Variants in CAMK2B observed in about 807,000 individuals in gnomAD.
CAMK2B encodes calcium/calmodulin dependent protein kinase II beta.
Under a neutral mutation model 93.7 loss-of-function variants are expected in CAMK2B, and 27 were observed. The ratio of observed to expected loss-of-function variants is 0.29; its 90% CI spans 0.21 to 0.40. The LOEUF (loss-of-function observed/expected upper bound fraction) is 0.40, where lower values mean the gene tolerates loss of function less well. Ranked by LOEUF, CAMK2B falls within the 10% of genes least tolerant of loss-of-function variation. The probability of loss-of-function intolerance (pLI) is 1.00; values close to 1 mark genes in which losing one functional copy is unlikely to be tolerated. For synonymous variants in CAMK2B, 374 were observed against 358.8 expected, an observed-to-expected ratio of 1.04 and a Z score of -0.48; for missense variants, 568 against 895.8, an observed-to-expected ratio of 0.63 and a Z score of 4.67.
At chr7:44,306,560 A>C (rs936594414) in intron 1 of CAMK2B, among the ~76,000 whole-genome samples, 6 of 152,166 alleles carry the variant, frequency 3.9e-5, no homozygotes, top group Non-Finnish European at 5.9e-5. Flanking sequence ...CCAACAGACT[A>C]GGGGAGGCCT....
At chr7:44,276,168 G>A (rs2097035931) in intron 2 of CAMK2B, among the ~76,000 whole-genome samples, 2 of 151,260 alleles carry the variant, frequency 1.3e-5, no homozygotes, top group South Asian at 4.2e-4. Context: ...GGGCCCCTGA[G>A]CCGGGGAGGA....
At chr7:44,323,514 C>T (rs1167505195) in intron 1 of CAMK2B, among the ~76,000 whole-genome samples, 5 of 152,212 alleles carry the variant, frequency 3.3e-5, no homozygotes, top group African/African-American at 9.6e-5. Context: ...CATCCAGCTG[C>T]GCTGGAATCG....
intron 8 of CAMK2B, 36 bp downstream of exon 8, chr7:44,243,214 A>G: frequency 1.3e-6 from 2 of 1,522,144 alleles, no homozygotes; most frequent in Non-Finnish European, 1.8e-6. Flanking sequence ...GAAACACCCG[A>G]GGCCCTGCCC....
intron 20 of CAMK2B, among the ~76,000 whole-genome samples, chr7:44,223,194 G>C (rs1474354091): frequency 6.6e-6 from 1 of 152,224 alleles, no homozygotes; most frequent in Non-Finnish European, 1.5e-5. Context: ...GTGTGTGCCT[G>C]TGTTGTGTGG....
chr7:44,276,469 G>A (rs1027925742), intron 2 of CAMK2B, among the ~76,000 whole-genome samples: 1 of 152,188 alleles, frequency 6.6e-6, no homozygotes, highest in Non-Finnish European at 1.5e-5. Flanking sequence ...AGGCAGGCAG[G>A]CTTCTGGCTG....
At chr7:44,226,934 G>A (rs1431875254) in intron 19 of CAMK2B, among the ~76,000 whole-genome samples, 1 of 24,780 alleles carries the variant, frequency 4.0e-5, no homozygotes, top group African/African-American at 2.2e-4. Flanking sequence ...AGACAGAAGG[G>A]AACGTGGGGG....
At position 44,319,105 on chromosome 7, in the gene CAMK2B, C is replaced by T. The variant is rs373557861; in HGVS notation, c.65+6252G>A. On this transcript the variant is annotated intron_variant, in intron 1 of 23. Coordinates refer to ENST00000395749, the MANE Select transcript of CAMK2B (RefSeq NM_001220.5). The stretch of plus-strand genomic sequence containing the variant: ...TACATAATGCATTTTTATGTTTCTA[C>T]ACTAACAAAGTGACTTGCAGCTGTA... Among the ~76,000 whole-genome samples, 40 of 152,308 alleles carry T rather than the reference C, an allele frequency of 2.6e-4. No individual in the cohort carries two copies. The East Asian group carries it at 5.6e-3, about 21-fold the overall frequency.
intron 3 of CAMK2B, among the ~76,000 whole-genome samples, chr7:44,259,180 C>T (rs1318313454): frequency 2.0e-5 from 3 of 152,230 alleles, no homozygotes; most frequent in Admixed American, 6.5e-5. Flanking sequence ...GCTGCCAGTG[C>T]CTCACCCTCC....
chr7:44,281,427 G>A (rs570999562), intron 2 of CAMK2B, among the ~76,000 whole-genome samples: 6 of 152,158 alleles, frequency 3.9e-5, no homozygotes, highest in South Asian at 2.1e-4. Context: ...GGGTGGTCAC[G>A]GAGAAAATCT....
chr7:44,243,162 G>A (rs374188423), intron 8 of CAMK2B, 88 bp downstream of exon 8: 16 of 981,392 alleles, frequency 1.6e-5, no homozygotes, highest in East Asian at 1.5e-4. Flanking sequence ...AGAGCAAGAC[G>A]TGCTGGCCAC....
intron 2 of CAMK2B, among the ~76,000 whole-genome samples, chr7:44,264,608 G>A (rs916019810): frequency 2.0e-5 from 3 of 152,062 alleles, no homozygotes; most frequent in African/African-American, 4.8e-5. Flanking sequence ...ACCCCATCCC[G>A]CTGTTTTGCT....
At chr7:44,306,554 C>T (rs923897997) in intron 1 of CAMK2B, among the ~76,000 whole-genome samples, 3 of 152,212 alleles carry the variant, frequency 2.0e-5, no homozygotes, top group Admixed American at 6.5e-5. Flanking sequence ...GCTCTTCCAA[C>T]AGACTAGGGG....
At position 44,221,147 on chromosome 7, in the gene CAMK2B, T is replaced by C. The variant is rs57501127; in HGVS notation, c.1598-246A>G. On this transcript the variant is annotated intron_variant, in intron 20 of 23. Coordinates refer to ENST00000395749, the MANE Select transcript of CAMK2B (RefSeq NM_001220.5). ...ATTTTTGAAGAACAGAAATATTCTA[T>C]CCACATTACAAAATGCCTGGAAAAT... Among the ~76,000 whole-genome samples the C allele has an allele frequency of 2.0e-3, 303 of 152,344 alleles. 9 individuals are homozygous for C. In the East Asian group the frequency reaches 0.048, roughly 24 times the overall value.
chr7:44,244,252 C>A (rs1399669016), intron 6 of CAMK2B, among the ~76,000 whole-genome samples: 1 of 152,194 alleles, frequency 6.6e-6, no homozygotes. Context: ...GAGAGCAGTG[C>A]CCTTGCTCAA....
In CAMK2B at chr7:44,311,241, C is replaced by A. The variant is rs914085187; in HGVS notation, c.65+14116G>T. ...CAGGCACATGCCACCACGCCTGGCA[C>A]ATTTTTGTATTTTTAGTAGACATGG... On this transcript the variant is annotated intron_variant, in intron 1 of 23. Coordinates refer to ENST00000395749, the MANE Select transcript of CAMK2B (RefSeq NM_001220.5). This position sits in a 1 kb window ranked among gnomAD's most constrained non-coding sequence, Gnocchi z 4.2. 1.3e-5 allele frequency among the ~76,000 whole-genome samples: 2 copies of A among 151,952 alleles called. No homozygotes were observed. Among genetic ancestry groups the A allele is most frequent in the East Asian group, 3.9e-4 (2 of 5,166 alleles).
rs768167103 is a variant in CAMK2B at position 44,228,980 on chromosome 7, G to A, written c.1340-56C>T. 6 of 1,580,802 alleles carry A rather than the reference G, an allele frequency of 3.8e-6. No homozygotes were observed. In the African/African-American group the frequency reaches 8.1e-5, roughly 21 times the overall value. The stretch of plus-strand genomic sequence containing the variant: ...AGGCAGACAGACACACGAGGCGGCG[G>A]CAAGGCGGAGGAGGCCAGTGGGAGG... On this transcript the variant is annotated intron_variant, in intron 18 of 23. Coordinates refer to ENST00000395749, the MANE Select transcript of CAMK2B (RefSeq NM_001220.5).
intron 2 of CAMK2B, among the ~76,000 whole-genome samples, chr7:44,277,172 C>T (rs1178554614): frequency 6.8e-6 from 1 of 146,870 alleles, no homozygotes; most frequent in Non-Finnish European, 1.5e-5. Context: ...GGCAAGCGGG[C>T]GGGGGGTTGG....
At chr7:44,324,377 C>A (rs1403907829) in intron 1 of CAMK2B, among the ~76,000 whole-genome samples, 1 of 150,870 alleles carries the variant, frequency 6.6e-6, no homozygotes, top group African/African-American at 2.4e-5. Flanking sequence ...TGAAGCTAGC[C>A]CTAGGGATGC....
chr7:44,237,595 T>C (rs2096638549), intron 13 of CAMK2B, among the ~76,000 whole-genome samples: 1 of 152,200 alleles, frequency 6.6e-6, no homozygotes, highest in African/African-American at 2.4e-5. Context: ...CAACCATTTT[T>C]TGGGGGGCTG....
Sources: gnomAD v4.1 joint callset for allele counts (sites outside exome capture counted in the v4.1 genomes callset) on GRCh38, gnomAD v4.1.1 for gene constraint, Gnocchi (gnomAD v3.1) non-coding constraint, MANE v1.5 for transcripts, NCBI Gene and HGNC (gene_info 2026-07-23, HGNC 2026-07-21) for gene names.